Variants in BORCS5 observed in about 807,000 individuals in gnomAD.
BORCS5 encodes the protein BLOC-1 related complex subunit 5.
In BORCS5, 17 loss-of-function variants were observed where a neutral mutation model predicts 22.1. The ratio of observed to expected loss-of-function variants is 0.77; its 90% CI spans 0.53 to 1.15. The LOEUF is 1.15. Among genes scored for constraint, BORCS5 ranks in the 50% most tolerant of loss-of-function variants. The pLI is 0.00. For synonymous variants in BORCS5, 117 were observed against 99.8 expected, an observed-to-expected ratio of 1.17 and a Z score of -1.03; for missense variants, 247 against 253.2, an observed-to-expected ratio of 0.98 and a Z score of 0.17.
At chr12:12,412,319 T>A (rs1298057530) in intron 2 of BORCS5, among the ~76,000 whole-genome samples, 6 of 152,200 alleles carry the variant, frequency 3.9e-5, no homozygotes, top group Non-Finnish European at 8.8e-5. Context: ...TTTTTTTTAT[T>A]GTACAAGTCT....
intron 2 of BORCS5, among the ~76,000 whole-genome samples, chr12:12,394,509 A>C (rs1345439898): frequency 6.6e-6 from 1 of 151,844 alleles, no homozygotes; most frequent in Non-Finnish European, 1.5e-5. Flanking sequence ...AGTAAGATAT[A>C]ACTGGATGTC....
At chr12:12,406,128 C>T (rs1200481335) in intron 2 of BORCS5, among the ~76,000 whole-genome samples, 2 of 152,192 alleles carry the variant, frequency 1.3e-5, no homozygotes, top group Non-Finnish European at 2.9e-5. Flanking sequence ...CATGGAAGGC[C>T]CTATTTTGCA....
chr12:12,370,356 T>C (rs2136027718), intron 2 of BORCS5, among the ~76,000 whole-genome samples: 1 of 152,304 alleles, frequency 6.6e-6, no homozygotes, highest in African/African-American at 2.4e-5. Flanking sequence ...ATCTGAACTT[T>C]TTTTTGCCCA....
chr12:12,403,659 T>C (rs977326720), intron 2 of BORCS5, among the ~76,000 whole-genome samples: 5 of 152,214 alleles, frequency 3.3e-5, no homozygotes, highest in African/African-American at 1.2e-4. Context: ...TGAGGTATCT[T>C]CAACAAAGGC....
At chr12:12,413,982 G>A in intron 2 of BORCS5, among the ~76,000 whole-genome samples, 1 of 65,254 alleles carries the variant, frequency 1.5e-5, no homozygotes, top group East Asian at 3.1e-4. Context: ...CGGGCAGAGG[G>A]GTCCTCACTT....
intron 2 of BORCS5, among the ~76,000 whole-genome samples, chr12:12,427,196 T>G (rs1450881681): frequency 1.8e-5 from 1 of 55,170 alleles, no homozygotes; most frequent in Middle Eastern, 7.6e-3. Flanking sequence ...TTTTTTTTTT[T>G]TGAGGTGGGA....
chr12:12,469,827 G>A lies in BORCS5; in HGVS notation c.*4051G>A, dbSNP rs2136172313. On this transcript the variant is annotated 3_prime_UTR_variant, in exon 4 of 4. Coordinates refer to ENST00000314565, the MANE Select transcript of BORCS5 (RefSeq NM_058169.6). ...AGAAATGAAAACTTTTCTTCTTGTG[G>A]ACTTTTTAGGTATGAAATTTAATCA... is the stretch of plus-strand genomic sequence containing the variant. 1 of 152,304 alleles carries A rather than the reference G, an allele frequency of 6.6e-6. No homozygotes were observed. Among genetic ancestry groups the A allele is most frequent in the South Asian group, 2.1e-4 (1 of 4,832 alleles). 9.4% of individuals were successfully genotyped at this position (152,304 alleles called of 1,614,324 possible).
At chr12:12,395,472 A>T (rs1565864740) in intron 2 of BORCS5, among the ~76,000 whole-genome samples, 4 of 129,800 alleles carry the variant, frequency 3.1e-5, no homozygotes, top group Admixed American at 8.4e-5. Context: ...TTTTTAGTAG[A>T]GATGGGGTTT....
intron 2 of BORCS5, among the ~76,000 whole-genome samples, chr12:12,412,042 A>T (rs1941748453): frequency 6.6e-6 from 1 of 152,120 alleles, no homozygotes; most frequent in African/African-American, 2.4e-5. Flanking sequence ...TAAGTTTTGA[A>T]ATCAGGAAGA....
chr12:12,461,071 C>T (rs1416948844), intron 3 of BORCS5, among the ~76,000 whole-genome samples: 3 of 151,996 alleles, frequency 2.0e-5, no homozygotes, highest in Non-Finnish European at 4.4e-5. Context: ...TGGACTGCCC[C>T]AGAGATGGTA....
chr12:12,459,775 A>G (rs997385816), intron 3 of BORCS5, among the ~76,000 whole-genome samples: 10 of 152,210 alleles, frequency 6.6e-5, no homozygotes, highest in African/African-American at 2.4e-4. Flanking sequence ...ATATTCTAGC[A>G]CAAATTGTTG....
chr12:12,412,276 TC>T (rs1941755028), intron 2 of BORCS5, among the ~76,000 whole-genome samples: 2 of 152,360 alleles, frequency 1.3e-5, no homozygotes, highest in African/African-American at 4.8e-5. Flanking sequence ...TTTGTATGTG[TC>T]CTCTTTAATT....
intron 2 of BORCS5, among the ~76,000 whole-genome samples, chr12:12,432,340 A>G (rs550623596): frequency 5.9e-5 from 9 of 152,228 alleles, no homozygotes; most frequent in Non-Finnish European, 1.2e-4. Context: ...ATCTTCTCCC[A>G]AGTTTGCGTT....
At chr12:12,423,769 A>G (rs931002446) in intron 2 of BORCS5, among the ~76,000 whole-genome samples, 12 of 151,856 alleles carry the variant, frequency 7.9e-5, no homozygotes, top group Non-Finnish European at 1.5e-4. Context: ...GCTCACTGCA[A>G]CCTCTGCATC....
At chr12:12,390,735 A>G (rs1941155829) in intron 2 of BORCS5, among the ~76,000 whole-genome samples, 1 of 151,600 alleles carries the variant, frequency 6.6e-6, no homozygotes, top group Admixed American at 6.6e-5. Flanking sequence ...GCAGTGAGCT[A>G]TGACTGCACC....
intron 1 of BORCS5, among the ~76,000 whole-genome samples, chr12:12,359,156 A>G (rs1863217667): frequency 6.6e-6 from 1 of 152,286 alleles, no homozygotes; most frequent in Non-Finnish European, 1.5e-5. Flanking sequence ...CTTTCTCCCA[A>G]GGAACCTGAA....
At position 12,369,712 on chromosome 12, in the gene BORCS5, C is replaced by CTTTTTTTTT. The variant is rs71061052; in HGVS notation, c.202+8385_202+8393dup. 9.1e-3 allele frequency among the ~76,000 whole-genome samples: 392 copies of CTTTTTTTTT among 42,976 alleles called. 71 individuals carry two copies. The highest frequency in any genetic ancestry group is 0.031 in the African/African-American group (318 of 10,190). 28.2% of individuals were successfully genotyped at this position (42,976 alleles called of 152,430 possible). ...GTGTGGTTTCATTCACCCCCCACTT[C>CTTTTTTTTT]TTTTTTTTTTTTTTTTTTTTTTTTT... On this transcript the variant is annotated intron_variant, in intron 2 of 3. Transcript: ENST00000314565.
At chr12:12,461,442 G>C (rs1943102937) in intron 3 of BORCS5, among the ~76,000 whole-genome samples, 1 of 152,060 alleles carries the variant, frequency 6.6e-6, no homozygotes, top group South Asian at 2.1e-4. Flanking sequence ...AAAGTACTGA[G>C]ATGACAAGCA....
intron 2 of BORCS5, among the ~76,000 whole-genome samples, chr12:12,402,250 C>G (rs765025314): frequency 5.9e-5 from 9 of 152,026 alleles, no homozygotes; most frequent in Non-Finnish European, 1.2e-4. Flanking sequence ...AAGCCAGTAA[C>G]TATTCATGGA....
Sources: gnomAD v4.1 joint callset for allele counts (sites outside exome capture counted in the v4.1 genomes callset) on GRCh38, gnomAD v4.1.1 for gene constraint, MANE v1.5 for transcripts, NCBI Gene and HGNC (gene_info 2026-07-23, HGNC 2026-07-21) for gene names.